Variants in ARFGEF2 observed in about 807,000 individuals in gnomAD.
ARFGEF2 encodes the protein brefeldin A-inhibited guanine nucleotide-exchange protein 2.
Under a neutral mutation model 219.9 loss-of-function variants are expected in ARFGEF2, and 74 were observed. The observed-to-expected ratio is 0.34, with a 90% CI of 0.28 to 0.41. The LOEUF (loss-of-function observed/expected upper bound fraction) is 0.41. Among genes scored for constraint, ARFGEF2 ranks in the 10% least tolerant of loss-of-function variants. The pLI, the probability that ARFGEF2 is intolerant of heterozygous loss-of-function variation, is 1.00. For missense variants in ARFGEF2, 1,743 were observed against 2,218.3 expected, an observed-to-expected ratio of 0.79 and a Z score of 4.30; for synonymous variants, 733 against 799.2, an observed-to-expected ratio of 0.92 and a Z score of 1.40.
At chr20:49,026,504 G>A (rs1360680417) in intron 36 of ARFGEF2, among the ~76,000 whole-genome samples, 1 of 151,636 alleles carries the variant, frequency 6.6e-6, no homozygotes, top group Non-Finnish European at 1.5e-5. Flanking sequence ...TTCCAAGATG[G>A]TGGTGGGATT....
At chr20:48,962,679 A>C (rs917161825) in intron 6 of ARFGEF2, among the ~76,000 whole-genome samples, 2 of 152,184 alleles carry the variant, frequency 1.3e-5, no homozygotes, top group Admixed American at 1.3e-4. Context: ...GGAAAAGCTT[A>C]TAACATCAGT....
chr20:48,968,738 A>G (rs1411199659), intron 8 of ARFGEF2, among the ~76,000 whole-genome samples: 2 of 152,072 alleles, frequency 1.3e-5, no homozygotes, highest in Admixed American at 1.3e-4. Context: ...TGGTTTTTTT[A>G]CAGCTTAACT....
Position 48,921,781 on chromosome 20 carries a change from G to A in ARFGEF2, c.-109G>A. The A allele has an allele frequency of 8.9e-7, 1 of 1,126,086 alleles. No individual in the cohort carries two copies. The highest frequency in any genetic ancestry group is 1.1e-6 in the Non-Finnish European group (1 of 907,746). 69.8% of individuals were successfully genotyped at this position (1,126,086 alleles called of 1,614,324 possible). Reference sequence around the variant, plus strand: ...AGGTGTCGCTTCCTGACGGGGCGGCGCGGACGGACGCGGCCGGTGCCGGCC... The same window carrying A: ...AGGTGTCGCTTCCTGACGGGGCGGCACGGACGGACGCGGCCGGTGCCGGCC... On this transcript the variant is annotated 5_prime_UTR_variant, in exon 1 of 39. Coordinates refer to ENST00000371917, the MANE Select transcript of ARFGEF2 (RefSeq NM_006420.3).
At chr20:49,022,429 C>CAAA in intron 34 of ARFGEF2, among the ~76,000 whole-genome samples, 1 of 140,694 alleles carries the variant, frequency 7.1e-6, no homozygotes, top group South Asian at 2.2e-4. Flanking sequence ...ACAACAACAA[C>CAAA]AAAAAAAAAA....
At position 49,033,228 on chromosome 20, in the gene ARFGEF2, T is replaced by C. The variant is rs1473235404; in HGVS notation, c.*29T>C. ...TGGCTGCCCAGGCCAGTGCTGCAGC[T>C]CTGCAGAATGTTCAGCATGCCATTT... On this transcript the variant is annotated 3_prime_UTR_variant, in exon 39 of 39. Coordinates refer to ENST00000371917, the MANE Select transcript of ARFGEF2 (RefSeq NM_006420.3). The C allele has an allele frequency of 1.4e-5, 22 of 1,612,944 alleles. No individual in the cohort carries two copies. Among genetic ancestry groups the C allele is most frequent in the Non-Finnish European group, 1.8e-5 (21 of 1,179,176 alleles).
rs931960921 is a variant in ARFGEF2 at position 49,034,484 on chromosome 20, C to CA, written c.*1286dup. The CA allele has an allele frequency of 1.6e-4, 25 of 152,366 alleles. No individual in the cohort carries two copies. The highest frequency in any genetic ancestry group is 6.0e-4 in the African/African-American group (25 of 41,590). 9.4% of individuals were successfully genotyped at this position (152,366 alleles called of 1,614,324 possible). ...ACAAGTACGTCCCAAAGCCTGTGAG[C>CA]AGTATACGTGGATGCTCACCCATGA... On this transcript the variant is annotated 3_prime_UTR_variant, in exon 39 of 39. Transcript: ENST00000371917.
At chr20:49,004,684 T>TGGC (rs1407099911) in intron 25 of ARFGEF2, among the ~76,000 whole-genome samples, 1 of 151,280 alleles carries the variant, frequency 6.6e-6, no homozygotes, top group East Asian at 2.0e-4. Flanking sequence ...CCCAGCTACT[T>TGGC]GGGAGGTTGA....
At chr20:48,930,852 C>A (rs1216757554) in intron 1 of ARFGEF2, among the ~76,000 whole-genome samples, 1 of 152,146 alleles carries the variant, frequency 6.6e-6, no homozygotes, top group Non-Finnish European at 1.5e-5. Context: ...GGCCTGAGAA[C>A]CCTCCAGGCC....
chr20:49,019,315 A>T (rs546570877), intron 34 of ARFGEF2, among the ~76,000 whole-genome samples: 1 of 152,352 alleles, frequency 6.6e-6, no homozygotes, highest in Non-Finnish European at 1.5e-5. Context: ...TATATAGTAC[A>T]TATGAATTTT....
intron 25 of ARFGEF2, among the ~76,000 whole-genome samples, chr20:49,003,533 A>G (rs944477095): frequency 1.4e-4 from 22 of 151,926 alleles, no homozygotes; most frequent in Non-Finnish European, 2.6e-4. Context: ...TGAACTGGGG[A>G]GGTGGAGATT....
At chr20:49,013,994 A>T in intron 30 of ARFGEF2, 34 bp downstream of exon 30, 1 of 1,613,104 alleles carries the variant, frequency 6.2e-7, no homozygotes, top group Non-Finnish European at 8.5e-7. Flanking sequence ...CCTAGGTATG[A>T]TGGAGAGGAA....
rs191473247 is a variant in ARFGEF2 at position 49,010,425 on chromosome 20, C to G, written c.3757+21C>G. The G allele has an allele frequency of 3.6e-5, 58 of 1,612,218 alleles. 1 individual carries two copies. In the East Asian group the frequency reaches 3.8e-4, roughly 11 times the overall value. On this transcript the variant is annotated intron_variant, in intron 27 of 38. Transcript: ENST00000371917. ...TGTCAGTAAGTGGCTCTGTTCCCTCCCTACTAATGTCCCACCTGCAAGTCT... is the reference window on the plus strand; with the variant it reads ...TGTCAGTAAGTGGCTCTGTTCCCTCGCTACTAATGTCCCACCTGCAAGTCT...
chr20:48,951,348 C>T lies in ARFGEF2; in HGVS notation c.302C>T (p.Thr101Ile). 1 of 1,614,200 alleles carries T rather than the reference C, an allele frequency of 6.2e-7. No homozygotes were observed. Among genetic ancestry groups the T allele is most frequent in the Non-Finnish European group, 8.5e-7 (1 of 1,180,032 alleles). ...LQKLIAYGHI[T>I]GNAPDSGAPG... The stretch of plus-strand genomic sequence containing the variant: ...AAACTCATCGCATACGGGCACATCA[C>T]TGGCAACGCCCCTGACAGTGGAGCC... Residue 101 changes from threonine to isoleucine, a missense_variant, in exon 4 of 39, where the codon ACT (threonine) becomes ATT (isoleucine). By Grantham distance (89) the Thr-to-Ile change is moderately conservative. This residue lies in a region of ARFGEF2 where 394 missense variants were observed against 426.6 expected (regional missense o/e 0.92). Coordinates refer to ENST00000371917, the MANE Select transcript of ARFGEF2 (RefSeq NM_006420.3).
intron 19 of ARFGEF2, 43 bp from the exon 20 acceptor site, chr20:48,989,513 C>T (rs762163823): frequency 3.2e-5 from 52 of 1,614,122 alleles, no homozygotes; most frequent in South Asian, 9.9e-5. Flanking sequence ...ACTCTTTCCA[C>T]GCTAAAACTC....
intron 25 of ARFGEF2, among the ~76,000 whole-genome samples, chr20:49,004,206 C>CA (rs2091442238): frequency 6.6e-6 from 1 of 151,290 alleles, no homozygotes; most frequent in Admixed American, 6.6e-5. Flanking sequence ...TCTAAAAATA[C>CA]AAAAAAAAGT....
At chr20:48,968,182 A>G (rs1379186418) in intron 8 of ARFGEF2, among the ~76,000 whole-genome samples, 1 of 151,698 alleles carries the variant, frequency 6.6e-6, no homozygotes, top group African/African-American at 2.4e-5. Context: ...TTTAGTAGAG[A>G]CGGGGTTTCA....
At chr20:48,948,374 C>T (rs905537221) in intron 3 of ARFGEF2, among the ~76,000 whole-genome samples, 3 of 152,288 alleles carry the variant, frequency 2.0e-5, no homozygotes, top group South Asian at 2.1e-4. Flanking sequence ...TTCCATCTCT[C>T]GCTCCCCTGT....
intron 20 of ARFGEF2, among the ~76,000 whole-genome samples, chr20:48,990,032 A>T (rs1318879268): frequency 6.6e-6 from 1 of 152,184 alleles, no homozygotes; most frequent in Non-Finnish European, 1.5e-5. Context: ...ATATAAAATT[A>T]GCCGGGTGTG....
intron 6 of ARFGEF2, 89 bp from the exon 7 acceptor site, chr20:48,963,741 T>C (rs1350443912): frequency 7.6e-7 from 1 of 1,322,828 alleles, no homozygotes; most frequent in Non-Finnish European, 1.1e-6. Flanking sequence ...CCTTCTGAAA[T>C]GTAACTCCCC....
Sources: allele counts gnomAD v4.1 joint callset (sites outside exome capture counted in the v4.1 genomes callset), GRCh38; gene constraint gnomAD v4.1.1; regional missense constraint gnomAD v4.1.1; transcripts MANE v1.5; gene names NCBI Gene and HGNC (gene_info 2026-07-23, HGNC 2026-07-21).